Variants in IQCJ observed in about 807,000 individuals in gnomAD.
IQCJ encodes IQ domain-containing protein J.
A neutral mutation model predicts 11.0 loss-of-function variants in IQCJ; 9 were observed. The ratio of observed to expected loss-of-function variants is 0.82; its 90% confidence interval spans 0.49 to 1.43. IQCJ has a LOEUF of 1.43. Among genes scored for constraint, IQCJ ranks in the 40% most tolerant of loss-of-function variants. IQCJ has a pLI of 0.00. For missense variants in IQCJ, 146 were observed against 133.2 expected (o/e 1.10, Z -0.47); for synonymous variants, 55 against 51.3 (o/e 1.07, Z -0.31).
At chr3:159,084,122 T>G (rs1716526344) in intron 1 of IQCJ, among the ~76,000 whole-genome samples, 1 of 152,024 alleles carries the variant, frequency 6.6e-6, no homozygotes, top group Admixed American at 6.6e-5. Context: ...ATTTTCTGGT[T>G]GTGATATTAT....
chr3:159,228,933 G>C (rs1009080198), intron 1 of IQCJ, among the ~76,000 whole-genome samples: 4 of 152,268 alleles, frequency 2.6e-5, no homozygotes, highest in South Asian at 4.1e-4. Flanking sequence ...TTAATCTTCT[G>C]CACAATCTAC....
At position 159,236,269 on chromosome 3, in the gene IQCJ, A is replaced by G. The variant is rs554355792; in HGVS notation, c.10-9574A>G. Among the ~76,000 whole-genome samples the G allele has an allele frequency of 2.6e-4, 8 of 30,210 alleles. No individual in the cohort carries two copies. The East Asian group carries it at 3.6e-3, about 14-fold the overall frequency. 19.8% of individuals were successfully genotyped at this position (30,210 alleles called of 152,430 possible). On this transcript the variant is annotated intron_variant, in intron 1 of 3. Transcript: ENST00000397832. Reference sequence around the variant, plus strand: ...ATAAACAAAATGTATGCTCCTTTTGAAAAAAAAAAAAAAAAAACCAAGGAA... The same window carrying G: ...ATAAACAAAATGTATGCTCCTTTTGGAAAAAAAAAAAAAAAAACCAAGGAA...
chr3:159,187,516 C>T (rs549254411), intron 1 of IQCJ, among the ~76,000 whole-genome samples: 1 of 152,356 alleles, frequency 6.6e-6, no homozygotes, highest in Admixed American at 6.5e-5. Context: ...GTGACCAACA[C>T]GGCAGGGCTT....
intron 1 of IQCJ, among the ~76,000 whole-genome samples, chr3:159,107,477 C>T (rs530162545): frequency 9.9e-5 from 15 of 152,244 alleles, no homozygotes; most frequent in African/African-American, 3.4e-4. Context: ...GACCCCAAGG[C>T]GACTGAGATG....
chr3:159,101,948 C>T (rs1025145769), intron 1 of IQCJ, among the ~76,000 whole-genome samples: 10 of 152,212 alleles, frequency 6.6e-5, no homozygotes, highest in Admixed American at 2.6e-4. Context: ...ACAGCAGCTG[C>T]ACATTTTTAG....
At chr3:159,084,753 T>A (rs567508086) in intron 1 of IQCJ, among the ~76,000 whole-genome samples, 1 of 151,990 alleles carries the variant, frequency 6.6e-6, no homozygotes, top group African/African-American at 2.4e-5. Flanking sequence ...ATTTCAAGTT[T>A]TGGCAGAAAC....
At chr3:159,157,273 C>T (rs1042194817) in intron 1 of IQCJ, among the ~76,000 whole-genome samples, 5 of 152,150 alleles carry the variant, frequency 3.3e-5, no homozygotes, top group East Asian at 1.9e-4. Context: ...GTAATTGCAA[C>T]GAACTATGGT....
At chr3:159,110,046 C>T (rs1043991319) in intron 1 of IQCJ, among the ~76,000 whole-genome samples, 5 of 152,092 alleles carry the variant, frequency 3.3e-5, no homozygotes, top group African/African-American at 9.7e-5. Context: ...TGTTTTTTCT[C>T]TCTGCCTTCA....
chr3:159,139,128 G>A (rs935029831), intron 1 of IQCJ, among the ~76,000 whole-genome samples: 3 of 152,058 alleles, frequency 2.0e-5, no homozygotes, highest in African/African-American at 7.2e-5. Context: ...GTGAGAGAAA[G>A]ATGAAATCAA....
chr3:159,250,565 C>G (rs1577115034), intron 2 of IQCJ, among the ~76,000 whole-genome samples: 1 of 152,144 alleles, frequency 6.6e-6, no homozygotes, highest in African/African-American at 2.4e-5. Flanking sequence ...CCTCAGGAAA[C>G]TTGCAATCTC....
At chr3:159,091,271 A>T (rs1176596328) in intron 1 of IQCJ, among the ~76,000 whole-genome samples, 1 of 151,786 alleles carries the variant, frequency 6.6e-6, no homozygotes, top group Admixed American at 6.6e-5. Flanking sequence ...GTGCCGTATT[A>T]ACAACAAAAA....
Position 159,083,994 on chromosome 3 carries a change from C to A in IQCJ, c.9+14553C>A, listed in dbSNP as rs139204394. ...TGTTCTGTATATGGACTGTGGTAGT[C>A]GTTACATGAACCCATATATGTGATA... On this transcript the variant is annotated intron_variant, in intron 1 of 3. Transcript: ENST00000397832. Among the ~76,000 whole-genome samples, 39 of 151,976 alleles carry A rather than the reference C, an allele frequency of 2.6e-4. No individual in the cohort carries two copies. In the South Asian group the frequency reaches 4.4e-3, roughly 17 times the overall value.
chr3:159,077,463 G>C (rs779709677), intron 1 of IQCJ, among the ~76,000 whole-genome samples: 1 of 152,058 alleles, frequency 6.6e-6, no homozygotes, highest in Non-Finnish European at 1.5e-5. Context: ...TATTCAGCCA[G>C]AGAAAAATAT....
At chr3:159,200,560 A>T (rs887698273) in intron 1 of IQCJ, among the ~76,000 whole-genome samples, 1 of 152,278 alleles carries the variant, frequency 6.6e-6, no homozygotes, top group East Asian at 1.9e-4. Flanking sequence ...AGACCTAGGA[A>T]GCAGAAGCCC....
chr3:159,151,096 C>A (rs1311285014), intron 1 of IQCJ, among the ~76,000 whole-genome samples: 1 of 152,330 alleles, frequency 6.6e-6, no homozygotes, highest in South Asian at 2.1e-4. Context: ...ACCTTCCTTG[C>A]AGCACACTGG....
chr3:159,168,689 C>T (rs1248028803), intron 1 of IQCJ, among the ~76,000 whole-genome samples: 1 of 152,050 alleles, frequency 6.6e-6, no homozygotes, highest in Non-Finnish European at 1.5e-5. Flanking sequence ...AATGAAACAG[C>T]TTATTTCTAA....
intron 1 of IQCJ, among the ~76,000 whole-genome samples, chr3:159,197,842 TA>T (rs1182165100): frequency 6.6e-6 from 1 of 152,036 alleles, no homozygotes; most frequent in Admixed American, 6.5e-5. Context: ...TTTTTTTTTT[TA>T]ATCAGAAGCA....
At chr3:159,170,835 A>G (rs1322173886) in intron 1 of IQCJ, among the ~76,000 whole-genome samples, 1 of 152,192 alleles carries the variant, frequency 6.6e-6, no homozygotes, top group Non-Finnish European at 1.5e-5. Context: ...TCATAGCCCA[A>G]GTTAAAAAAG....
chr3:159,241,299 C>T (rs768974946), intron 1 of IQCJ, among the ~76,000 whole-genome samples: 1 of 151,924 alleles, frequency 6.6e-6, no homozygotes, highest in Non-Finnish European at 1.5e-5. Flanking sequence ...ATCCCAGCTA[C>T]TCGGGAGGCT....
Sources: allele counts gnomAD v4.1 joint callset (sites outside exome capture counted in the v4.1 genomes callset), GRCh38; gene constraint gnomAD v4.1.1; transcripts MANE v1.5; gene names NCBI Gene and HGNC (gene_info 2026-07-23, HGNC 2026-07-21).